The following ADAMTSL4 variants were observed in gnomAD, a reference collection of about 807,000 sequenced individuals.
ADAMTSL4 encodes ADAMTS like 4.
Under a neutral mutation model 122.8 loss-of-function variants are expected in ADAMTSL4, and 97 were observed. The observed-to-expected ratio is 0.79, with a 90% CI of 0.67 to 0.93. The LOEUF is 0.93. Ranked by LOEUF, ADAMTSL4 falls within the 40% of genes least tolerant of loss-of-function variation. ADAMTSL4 has a pLI of 0.00. For synonymous variants in ADAMTSL4, 592 were observed against 568.0 expected (o/e 1.04, Z -0.60); for missense variants, 1,408 against 1,453.5 (o/e 0.97, Z 0.51).
chr1:150,558,740 T>C (rs375852230), intron 15 of ADAMTSL4, 91 bp downstream of exon 15: 132 of 1,605,032 alleles, frequency 8.2e-5, no homozygotes, highest in Middle Eastern at 8.2e-4. Flanking sequence ...TAAACTTGTA[T>C]TGATCAAGCG....
intron 8 of ADAMTSL4, 89 bp downstream of exon 8, chr1:150,555,654 TATGAACAC>T: frequency 6.4e-7 from 1 of 1,563,770 alleles, no homozygotes; most frequent in South Asian, 1.1e-5. Flanking sequence ...CACACATATG[TATGAACAC>T]ATGCACACAT....
Position 150,556,335 on chromosome 1 carries a change from T to A in ADAMTSL4, c.1545T>A (p.Ile515=), listed in dbSNP as rs774464376. The change falls in exon 9 of 19, where the codon ATT becomes ATA. Residue 515 remains isoleucine, a synonymous_variant. Transcript: ENST00000271643. This position sits in a 1 kb window ranked among gnomAD's most constrained non-coding sequence, Gnocchi z 4.1. ...WIPAGALRLQ[I]AQLRPSSNYL... is the part of the protein sequence containing the mutation. ...CAGCGGGAGCCTTGCGGCTCCAGATTGCCCAGCTCCGGCCTAGCTCCAACT... is the reference window on the plus strand; with the variant it reads ...CAGCGGGAGCCTTGCGGCTCCAGATAGCCCAGCTCCGGCCTAGCTCCAACT... 9.9e-6 allele frequency: 16 copies of A among 1,613,964 alleles called. No individual in the cohort carries two copies. The highest frequency in any genetic ancestry group is 1.3e-5 in the Non-Finnish European group (15 of 1,180,012).
At position 150,556,973 on chromosome 1, in the gene ADAMTSL4, A is replaced by G. The variant is rs768181457; in HGVS notation, c.1784A>G (p.Tyr595Cys). The change falls in exon 11 of 19, where the codon TAT (tyrosine) becomes TGT (cysteine). Residue 595 changes from tyrosine to cysteine, a missense_variant. Coordinates refer to ENST00000271643, the MANE Select transcript of ADAMTSL4 (RefSeq NM_019032.6). This position sits in a 1 kb window ranked among gnomAD's most constrained non-coding sequence, Gnocchi z 4.1. ...IFQEENPGVF[Y>C]QYVISSPPPI... The stretch of plus-strand genomic sequence containing the variant: ...CAGGAGGAAAACCCAGGCGTTTTTT[A>G]TCAGTATGTCATCTCTTCACCTCCT... 1.1e-5 allele frequency: 17 copies of G among 1,613,480 alleles called. No individual in the cohort carries two copies. The African/African-American group carries it at 1.5e-4, about 14-fold the overall frequency.
chr1:150,559,653 C>T lies in ADAMTSL4; in HGVS notation c.2944-108C>T, dbSNP rs1672580797. 1 of 1,592,704 alleles carries T rather than the reference C, an allele frequency of 6.3e-7. No homozygotes were observed. The highest frequency in any genetic ancestry group is 8.6e-7 in the Non-Finnish European group (1 of 1,168,420). ...CTCTCCATTTGGGATTTCACAATGT[C>T]CTAGGAGGGTCCCCACCACCACCTT... is the stretch of plus-strand genomic sequence containing the variant. On this transcript the variant is annotated intron_variant, in intron 17 of 18. Transcript: ENST00000271643. This position sits in a 1 kb window ranked among gnomAD's most constrained non-coding sequence, Gnocchi z 4.1.
At position 150,554,071 on chromosome 1, in the gene ADAMTSL4, T is replaced by C. The variant is rs762103351; in HGVS notation, c.1080T>C (p.Pro360=). The C allele has an allele frequency of 6.2e-7, 1 of 1,604,276 alleles. No individual in the cohort carries two copies. The highest frequency in any genetic ancestry group is 8.5e-7 in the Non-Finnish European group (1 of 1,179,926). The part of the protein sequence containing the change: ...SLWSLFAPSS[P]IPRCSGESEQ... ...GGAGCCTCTTTGCTCCCAGTAGCCC[T>C]ATTCCAAGATGTTCTGGGGAGAGTG... The change falls in exon 6 of 19, where the codon CCT becomes CCC. Residue 360 remains proline (P), a synonymous_variant. Coordinates refer to ENST00000271643, the MANE Select transcript of ADAMTSL4 (RefSeq NM_019032.6). This position sits in a 1 kb window ranked among gnomAD's most constrained non-coding sequence, Gnocchi z 4.0.
Position 150,554,793 on chromosome 1 carries a change from G to C in ADAMTSL4, c.1234+326G>C, listed in dbSNP as rs1222777387. 4 of 804,114 alleles carry C rather than the reference G, an allele frequency of 5.0e-6. No individual in the cohort carries two copies. Among genetic ancestry groups the C allele is most frequent in the Middle Eastern group, 3.7e-4 (1 of 2,722 alleles). The allele number at this position is 804,114 out of a possible 1,614,324, so 49.8% of individuals were successfully genotyped here. A position where few individuals can be genotyped will look rare whatever the true frequency, so the allele number is the denominator to read the frequency against. ...GTCCAGCCGTGACAGCCAGGTGGGG[G>C]TGTGCCACGCATCCTGGGCACTGTC... is the stretch of plus-strand genomic sequence containing the variant. On this transcript the variant is annotated intron_variant, in intron 7 of 18. Coordinates refer to ENST00000271643, the MANE Select transcript of ADAMTSL4 (RefSeq NM_019032.6). The surrounding 1 kb of genome is among the most constrained non-coding windows in gnomAD (Gnocchi z 4.0).
Position 150,556,219 on chromosome 1 carries a change from T to C in ADAMTSL4, c.1429T>C (p.Cys477Arg). Residue 477 changes from cysteine to arginine, a missense_variant, in exon 9 of 19, where the codon TGT becomes CGT. Physicochemically the swap from Cys to Arg is radical, Grantham distance 180. Coordinates refer to ENST00000271643, the MANE Select transcript of ADAMTSL4 (RefSeq NM_019032.6). The surrounding 1 kb of genome is among the most constrained non-coding windows in gnomAD (Gnocchi z 4.1). ...SGRRPDGCGVCGGDDSTCRLV... is the reference protein window; with the variant it reads ...SGRRPDGCGVRGGDDSTCRLV... ...CAGGCGTCCTGATGGCTGTGGAGTC[T>C]GTGGGGGTGATGATTCTACCTGTCG... 5 of 1,614,184 alleles carry C rather than the reference T, an allele frequency of 3.1e-6. No individual in the cohort carries two copies. The highest frequency in any genetic ancestry group is 4.2e-6 in the Non-Finnish European group (5 of 1,180,032).
Position 150,554,065 on chromosome 1 carries a change from T to C in ADAMTSL4, c.1074T>C (p.Ser358=), listed in dbSNP as rs764574609. Residue 358 remains serine, a synonymous_variant, in exon 6 of 19, where the codon AGT becomes AGC. Transcript: ENST00000271643. The surrounding 1 kb of genome is among the most constrained non-coding windows in gnomAD (Gnocchi z 4.0). ...ASSLWSLFAP[S]SPIPRCSGES... ...CCCTCTGGAGCCTCTTTGCTCCCAG[T>C]AGCCCTATTCCAAGATGTTCTGGGG... 6.2e-7 allele frequency: 1 copy of C among 1,605,474 alleles called. No individual in the cohort carries two copies. The highest frequency in any genetic ancestry group is 1.3e-5 in the African/African-American group (1 of 75,032).
At position 150,559,372 on chromosome 1, in the gene ADAMTSL4, C is replaced by T. The variant is rs146081960; in HGVS notation, c.2849C>T (p.Pro950Leu). 113 of 1,613,780 alleles carry T rather than the reference C, an allele frequency of 7.0e-5. No individual in the cohort carries two copies. Among genetic ancestry groups the T allele is most frequent in the Admixed American group, 1.0e-4 (6 of 60,010 alleles). The change falls in exon 17 of 19, where the codon CCG becomes CTG. Residue 950 changes from proline to leucine, a missense_variant. Pro to Leu is a moderately conservative substitution (Grantham distance 98, BLOSUM62 -3). Transcript: ENST00000271643. This position sits in a 1 kb window ranked among gnomAD's most constrained non-coding sequence, Gnocchi z 4.1. ...KLGTEFNVTS[P>L]SNCSHLPRPP... ...GGGACGGAGTTCAACGTGACTTCTC[C>T]GAGCAACTGTTCTCACCTCCCCAGG...
chr1:150,550,679 T>C, intron 2 of ADAMTSL4: 1 of 450,328 alleles, frequency 2.2e-6, no homozygotes, highest in Non-Finnish European at 4.5e-6. Flanking sequence ...TCTCTGGAGA[T>C]CCTGGCCTCC....
intron 2 of ADAMTSL4, chr1:150,550,572 A>G: frequency 2.7e-6 from 1 of 372,756 alleles, no homozygotes; most frequent in South Asian, 2.0e-5. Context: ...GGCATCAGAG[A>G]AGGGGCAGGC....
chr1:150,558,870 C>T (rs970336156), intron 15 of ADAMTSL4, 92 bp from the exon 16 acceptor site: 28 of 1,538,594 alleles, frequency 1.8e-5, no homozygotes, highest in Admixed American at 1.6e-4. Flanking sequence ...ACCCAGGATT[C>T]GGACCCAGGA....
chr1:150,552,329 T>C lies in ADAMTSL4; in HGVS notation c.20+21T>C, dbSNP rs753641805. On this transcript the variant is annotated intron_variant, in intron 3 of 18. Transcript: ENST00000271643. This position sits in a 1 kb window ranked among gnomAD's most constrained non-coding sequence, Gnocchi z 4.0. ...GGCAGGTGAGAGAAGGGGCCACGGG[T>C]TGGGGGGGAGGAAAAGGGGAGGTGC... The C allele has an allele frequency of 1.1e-5, 17 of 1,551,572 alleles. No homozygotes were observed. Among genetic ancestry groups the C allele is most frequent in the Non-Finnish European group, 1.4e-5 (16 of 1,146,860 alleles).
chr1:150,552,942 G>C lies in ADAMTSL4; in HGVS notation c.123G>C (p.Gln41His), dbSNP rs1377686203. Residue 41 changes from glutamine to histidine, a missense_variant, in exon 5 of 19, where the codon CAG (glutamine) becomes CAC (histidine). By Grantham distance (24) the Gln-to-His change is conservative. Transcript: ENST00000271643. The surrounding 1 kb of genome is among the most constrained non-coding windows in gnomAD (Gnocchi z 4.0). ...TTCAGACACCTACAGAGGAGGGCCA[G>C]GGCCCCGAAGGTGTCTGGGGACCTT... ...HSLQTPTEEGQGPEGVWGPWV... is the reference protein window; with the variant it reads ...HSLQTPTEEGHGPEGVWGPWV... The C allele has an allele frequency of 4.3e-6, 7 of 1,613,098 alleles. No homozygotes were observed. The highest frequency in any genetic ancestry group is 1.7e-5 in the Admixed American group (1 of 60,020).
Position 150,552,497 on chromosome 1 carries a change from C to A in ADAMTSL4, c.21-46C>A, listed in dbSNP as rs371110160. On this transcript the variant is annotated intron_variant, in intron 3 of 18. Coordinates refer to ENST00000271643, the MANE Select transcript of ADAMTSL4 (RefSeq NM_019032.6). This position sits in a 1 kb window ranked among gnomAD's most constrained non-coding sequence, Gnocchi z 4.0. ...GGCGGAGGGCAGTGTTGCAACACCC[C>A]CTCTGGCTCCAGTCTGACGTCCCTC... is the stretch of plus-strand genomic sequence containing the variant. The A allele has an allele frequency of 4.8e-5, 77 of 1,612,970 alleles. No individual in the cohort carries two copies. Among genetic ancestry groups the A allele is most frequent in the Middle Eastern group, 1.6e-4 (1 of 6,062 alleles).
rs370084822 is a variant in ADAMTSL4 at position 150,555,291 on chromosome 1, A to G, written c.1235-138A>G. Reference sequence around the variant, plus strand: ...GCATGAGCCACTGCGCCCGGCCCTGACCACCTCAGCTTGTGCTGTTGTCAC... The same window carrying G: ...GCATGAGCCACTGCGCCCGGCCCTGGCCACCTCAGCTTGTGCTGTTGTCAC... On this transcript the variant is annotated intron_variant, in intron 7 of 18. Transcript: ENST00000271643. The G allele has an allele frequency of 4.8e-4, 549 of 1,134,146 alleles. 5 individuals are homozygous for G. In the African/African-American group the frequency reaches 7.2e-3, roughly 15 times the overall value. The allele number at this position is 1,134,146 out of a possible 1,614,324, so 70.3% of individuals were successfully genotyped here.
In ADAMTSL4 at chr1:150,554,817, T is replaced by C. The variant is rs111508403; in HGVS notation, c.1234+350T>C. ...GGTGTGCCACGCATCCTGGGCACTG[T>C]CGTATCGGTTGCTCCCAGGTTACCA... is the stretch of plus-strand genomic sequence containing the variant. On this transcript the variant is annotated intron_variant, in intron 7 of 18. Coordinates refer to ENST00000271643, the MANE Select transcript of ADAMTSL4 (RefSeq NM_019032.6). This position sits in a 1 kb window ranked among gnomAD's most constrained non-coding sequence, Gnocchi z 4.0. 1 of 661,610 alleles carries C rather than the reference T, an allele frequency of 1.5e-6. No homozygotes were observed. Among genetic ancestry groups the C allele is most frequent in the Non-Finnish European group, 2.5e-6 (1 of 393,006 alleles). The allele number at this position is 661,610 out of a possible 1,614,324, so 41.0% of individuals were successfully genotyped here.
At chr1:150,557,644 G>A (rs769031569) in intron 13 of ADAMTSL4, 21 bp downstream of exon 13, 17 of 1,594,316 alleles carry the variant, frequency 1.1e-5, no homozygotes, top group South Asian at 4.5e-5. Context: ...GGGAGCCCAC[G>A]GGGAGGGTTA....
In ADAMTSL4 at chr1:150,556,627, G is replaced by C. The variant is rs775518706; in HGVS notation, c.1583G>C (p.Arg528Pro). The C allele has an allele frequency of 1.9e-5, 30 of 1,614,034 alleles. No homozygotes were observed. The highest frequency in any genetic ancestry group is 2.2e-5 in the Non-Finnish European group (26 of 1,179,998). ...LRPSSNYLALRGPGGRSIING... is the reference protein window; with the variant it reads ...LRPSSNYLALPGPGGRSIING... ...TCTCACCTCTGACCCGCAGCACTTC[G>C]TGGCCCTGGGGGCCGGTCCATCATC... is the stretch of plus-strand genomic sequence containing the variant. Residue 528 changes from arginine (R) to proline (P), a missense_variant, in exon 10 of 19, where the codon CGT (arginine) becomes CCT (proline). Coordinates refer to ENST00000271643, the MANE Select transcript of ADAMTSL4 (RefSeq NM_019032.6). This position sits in a 1 kb window ranked among gnomAD's most constrained non-coding sequence, Gnocchi z 4.1.
Sources: allele counts gnomAD v4.1 joint callset, GRCh38; gene constraint gnomAD v4.1.1; non-coding constraint Gnocchi (gnomAD v3.1); transcripts MANE v1.5; gene names NCBI Gene and HGNC (gene_info 2026-07-23, HGNC 2026-07-21).